The following MYZAP variants were observed in gnomAD, a reference collection of about 807,000 sequenced individuals.
MYZAP encodes myocardial zonula adherens protein.
A neutral mutation model predicts 69.4 loss-of-function variants in MYZAP; 66 were observed. The ratio of observed to expected loss-of-function variants is 0.95; its 90% CI spans 0.78 to 1.17. The LOEUF (loss-of-function observed/expected upper bound fraction) is 1.17, where lower values mean the gene tolerates loss of function less well. Among genes scored for constraint, MYZAP ranks in the 50% most tolerant of loss-of-function variants. The pLI is 0.00. For missense variants in MYZAP, 611 were observed against 556.2 expected (o/e 1.10, Z -0.99); for synonymous variants, 256 against 205.9 (o/e 1.24, Z -2.09).
intron 2 of MYZAP, among the ~76,000 whole-genome samples, chr15:57,608,195 T>A (rs1174898829): frequency 6.6e-6 from 1 of 152,222 alleles, no homozygotes; most frequent in East Asian, 1.9e-4. Context: ...TGGGCCTTCC[T>A]TAGTCTTTCA....
rs1333791313 is a variant in MYZAP at position 57,592,086 on chromosome 15, A to G, written c.52A>G (p.Thr18Ala). 2 of 1,374,844 alleles carry G rather than the reference A, an allele frequency of 1.5e-6. No homozygotes were observed. Among genetic ancestry groups the G allele is most frequent in the Admixed American group, 3.5e-5 (1 of 28,838 alleles). 85.2% of individuals were successfully genotyped at this position (1,374,844 alleles called of 1,614,324 possible). ...CCTGCTCTCGGGCGGCGCCGCCAGG[A>G]CGCCCGGGGCGCCCAGCAGGAGGGT... is the stretch of plus-strand genomic sequence containing the variant. ...VTLLSGGAAR[T>A]PGAPSRRANV... is the part of the protein sequence containing the mutation. The change falls in exon 1 of 13, where the codon ACG (threonine) becomes GCG (alanine). Residue 18 changes from threonine to alanine, a missense_variant. Physicochemically the swap from Thr to Ala is moderately conservative, Grantham distance 58. Coordinates refer to ENST00000267853, the MANE Select transcript of MYZAP (RefSeq NM_001018100.5).
intron 11 of MYZAP, 27 bp downstream of exon 11, chr15:57,661,560 G>A (rs1299820340): frequency 6.3e-7 from 1 of 1,575,810 alleles, no homozygotes; most frequent in Non-Finnish European, 8.7e-7. Context: ...CTTTAAGTTG[G>A]TGTCTTCCCT....
At chr15:57,606,215 A>T (rs2140341067) in intron 2 of MYZAP, among the ~76,000 whole-genome samples, 1 of 152,288 alleles carries the variant, frequency 6.6e-6, no homozygotes, top group East Asian at 1.9e-4. Flanking sequence ...CATTTCAACC[A>T]AGTGATCCAA....
intron 1 of MYZAP, among the ~76,000 whole-genome samples, chr15:57,595,561 T>C (rs2034000795): frequency 6.7e-6 from 1 of 149,178 alleles, no homozygotes; most frequent in African/African-American, 2.4e-5. Flanking sequence ...GCTTTATGGC[T>C]TCCCCACAAA....
intron 11 of MYZAP, among the ~76,000 whole-genome samples, chr15:57,663,440 G>A (rs2038410489): frequency 6.6e-6 from 1 of 152,178 alleles, no homozygotes; most frequent in Admixed American, 6.5e-5. Flanking sequence ...GGGGAATGGG[G>A]AAAATGAGAC....
At chr15:57,599,492 A>G (rs1331596483) in intron 1 of MYZAP, 7 of 1,197,890 alleles carry the variant, frequency 5.8e-6, no homozygotes, top group African/African-American at 1.6e-5. Flanking sequence ...CCTTGCCCCC[A>G]GGGACAGCTG....
At chr15:57,676,479 G>A (rs1295422054) in intron 12 of MYZAP, among the ~76,000 whole-genome samples, 1 of 142,780 alleles carries the variant, frequency 7.0e-6, no homozygotes, top group African/African-American at 2.6e-5. Flanking sequence ...CATATATATA[G>A]ACTCCGGATC....
intron 11 of MYZAP, among the ~76,000 whole-genome samples, chr15:57,671,205 A>G (rs1248292873): frequency 2.6e-5 from 4 of 152,058 alleles, no homozygotes; most frequent in African/African-American, 7.2e-5. Flanking sequence ...ATAGAGCTCT[A>G]AGTTGCCGGT....
chr15:57,658,637 A>G (rs1439364643), intron 10 of MYZAP, among the ~76,000 whole-genome samples: 1 of 152,140 alleles, frequency 6.6e-6, no homozygotes, highest in Non-Finnish European at 1.5e-5. Context: ...ATCAAGTTTC[A>G]CCTTTTCGGA....
chr15:57,644,750 G>C (rs900120944), intron 10 of MYZAP, among the ~76,000 whole-genome samples: 2 of 152,194 alleles, frequency 1.3e-5, no homozygotes, highest in Non-Finnish European at 2.9e-5. Flanking sequence ...ACAGGCGTGA[G>C]CCACTACACC....
chr15:57,649,664 A>T (rs1292443522), intron 10 of MYZAP, among the ~76,000 whole-genome samples: 1 of 152,068 alleles, frequency 6.6e-6, no homozygotes, highest in African/African-American at 2.4e-5. Context: ...TTTGTTTGTG[A>T]TATCTTTTAT....
chr15:57,633,880 A>C, intron 8 of MYZAP, 139 bp downstream of exon 8: 1 of 1,091,134 alleles, frequency 9.2e-7, no homozygotes. Flanking sequence ...AAGCTATAAA[A>C]TAAAGTATAA....
Position 57,629,837 on chromosome 15 carries a change from C to G in MYZAP, c.661C>G (p.Gln221Glu), listed in dbSNP as rs1206887996. ...RQLEVAQVEN[Q>E]LLKMKVESSQ... ...GTTGGAGGTAGCGCAAGTTGAAAAC[C>G]AGCTGCTAAAAATGAAGGTGGAGTA... The change falls in exon 6 of 13, where the codon CAG (glutamine) becomes GAG (glutamate). Residue 221 changes from glutamine to glutamate, a missense_variant. Gln to Glu is a conservative substitution (Grantham distance 29, BLOSUM62 2). Transcript: ENST00000267853. 3 of 1,613,340 alleles carry G rather than the reference C, an allele frequency of 1.9e-6. No individual in the cohort carries two copies. Among genetic ancestry groups the G allele is most frequent in the Admixed American group, 3.3e-5 (2 of 59,776 alleles).
intron 5 of MYZAP, among the ~76,000 whole-genome samples, chr15:57,626,943 C>G (rs2036170922): frequency 6.6e-6 from 1 of 152,152 alleles, no homozygotes; most frequent in Admixed American, 6.5e-5. Flanking sequence ...GCCAGCTTTC[C>G]CCTGGCCTCA....
At chr15:57,681,880 G>C (rs1022335553) in intron 12 of MYZAP, among the ~76,000 whole-genome samples, 6 of 152,104 alleles carry the variant, frequency 3.9e-5, no homozygotes, top group African/African-American at 7.2e-5. Context: ...AATCTCCTGG[G>C]GGAGACATGC....
rs2033705796 is a variant in MYZAP, at chr15:57,592,077, G to A, written c.43G>A (p.Ala15Thr). 3.6e-6 allele frequency: 5 copies of A among 1,382,562 alleles called. No homozygotes were observed. Among genetic ancestry groups the A allele is most frequent in the South Asian group, 1.6e-5 (1 of 62,210 alleles). 85.6% of individuals were successfully genotyped at this position (1,382,562 alleles called of 1,614,324 possible). A position where few individuals can be genotyped will look rare whatever the true frequency, so the allele number is the denominator to read the frequency against. ...TSTVTLLSGG[A>T]ARTPGAPSRR... Reference sequence around the variant, plus strand: ...CACGGTCACCCTGCTCTCGGGCGGCGCCGCCAGGACGCCCGGGGCGCCCAG... The same window carrying A: ...CACGGTCACCCTGCTCTCGGGCGGCACCGCCAGGACGCCCGGGGCGCCCAG... The change falls in exon 1 of 13, where the codon GCC becomes ACC. Residue 15 changes from alanine (A) to threonine (T), a missense_variant. Transcript: ENST00000267853.
chr15:57,641,595 G>C, intron 10 of MYZAP, among the ~76,000 whole-genome samples: 1 of 152,250 alleles, frequency 6.6e-6, no homozygotes, highest in East Asian at 1.9e-4. Context: ...TGCCATCAGA[G>C]TTAGCACCCC....
intron 8 of MYZAP, among the ~76,000 whole-genome samples, chr15:57,635,220 G>C (rs2036745872): frequency 6.6e-6 from 1 of 152,148 alleles, no homozygotes; most frequent in African/African-American, 2.4e-5. Flanking sequence ...GCTGATAATG[G>C]TACTTCTTAT....
intron 9 of MYZAP, among the ~76,000 whole-genome samples, chr15:57,638,553 T>A (rs1371616791): frequency 1.3e-5 from 2 of 152,196 alleles, no homozygotes; most frequent in Non-Finnish European, 2.9e-5. Context: ...GTCATTAACA[T>A]AGTGCTGAGG....
Sources: allele counts gnomAD v4.1 joint callset (sites outside exome capture counted in the v4.1 genomes callset), GRCh38; gene constraint gnomAD v4.1.1; transcripts MANE v1.5; gene names NCBI Gene and HGNC (gene_info 2026-07-23, HGNC 2026-07-21).